Variants in FMN2 observed in about 807,000 individuals in gnomAD.
The protein encoded by FMN2 is formin-2.
Under a neutral mutation model 142.3 loss-of-function variants are expected in FMN2, and 51 were observed. That is an observed-to-expected ratio of 0.36 (90% CI 0.29 to 0.45). The LOEUF (loss-of-function observed/expected upper bound fraction) is 0.45. Ranked by LOEUF, FMN2 falls within the 20% of genes least tolerant of loss-of-function variation. The probability of loss-of-function intolerance (pLI) is 1.00; values close to 1 mark genes in which losing one functional copy is unlikely to be tolerated. For synonymous variants in FMN2, 882 were observed against 869.8 expected (o/e 1.01, Z -0.25); for missense variants, 1,936 against 2,122.8 (o/e 0.91, Z 1.73).
At chr1:240,328,147 C>CAA (rs780595882) in intron 8 of FMN2, among the ~76,000 whole-genome samples, 1,401 of 51,330 alleles carry the variant, frequency 0.027, 102 homozygotes, top group African/African-American at 0.088. Context: ...GACCCCATCT[C>CAA]AAAAAAAAAA....
chr1:240,253,974 C>T (rs1309408068), intron 6 of FMN2, among the ~76,000 whole-genome samples: 1 of 152,112 alleles, frequency 6.6e-6, no homozygotes, highest in Non-Finnish European at 1.5e-5. Context: ...TCCTCAATCA[C>T]TGGCAGGTGC....
chr1:240,229,305 T>C (rs184245393), intron 6 of FMN2, among the ~76,000 whole-genome samples: 31 of 152,238 alleles, frequency 2.0e-4, no homozygotes, highest in Admixed American at 1.5e-3. Context: ...AATGCACAAA[T>C]TAAAATTAGC....
intron 8 of FMN2, among the ~76,000 whole-genome samples, chr1:240,301,609 T>G (rs980637962): frequency 2.6e-5 from 4 of 151,748 alleles, no homozygotes; most frequent in African/African-American, 7.2e-5. Context: ...TCACCTTCCT[T>G]TTTTTTGAAG....
At chr1:240,204,020 T>G (rs1347493053) in intron 4 of FMN2, among the ~76,000 whole-genome samples, 4 of 152,184 alleles carry the variant, frequency 2.6e-5, no homozygotes, top group Non-Finnish European at 4.4e-5. Context: ...TGTGTATATA[T>G]GCCTGAATAA....
rs77312489 is a variant in FMN2, at chr1:240,121,381, A to T, written c.1616-1798A>T. Among the ~76,000 whole-genome samples the T allele has an allele frequency of 9.2e-3, 1,291 of 141,052 alleles. 15 individuals carry two copies. Among genetic ancestry groups the T allele is most frequent in the African/African-American group, 0.031 (1,173 of 38,300 alleles). 92.5% of individuals were successfully genotyped at this position (141,052 alleles called of 152,430 possible). ...CCAGTGTCTTATTTTTTTTATTTTT[A>T]TTTTTTTTTTTTTGAGACGGAGTCT... On this transcript the variant is annotated intron_variant, in intron 1 of 17. Coordinates refer to ENST00000319653, the MANE Select transcript of FMN2 (RefSeq NM_020066.5).
chr1:240,362,962 A>G (rs1672542652), intron 14 of FMN2, among the ~76,000 whole-genome samples: 1 of 152,192 alleles, frequency 6.6e-6, no homozygotes. Flanking sequence ...GAACTAGGGG[A>G]ATAGAACCAA....
rs12564988 is a variant in FMN2 at position 240,401,430 on chromosome 1, C to T, written c.4910+8868C>T. Among the ~76,000 whole-genome samples the T allele has an allele frequency of 7.5e-4, 114 of 152,278 alleles. 2 individuals carry two copies. In the East Asian group the frequency reaches 0.019, roughly 25 times the overall value. On this transcript the variant is annotated intron_variant, in intron 15 of 17. Coordinates refer to ENST00000319653, the MANE Select transcript of FMN2 (RefSeq NM_020066.5). The stretch of plus-strand genomic sequence containing the variant: ...TCCATTTAGCCCTTTGACGTTGAGA[C>T]AGAAAATACACGGGGAAGTTTCATT...
chr1:240,455,773 C>T (rs1025218065), intron 16 of FMN2, among the ~76,000 whole-genome samples: 20 of 151,934 alleles, frequency 1.3e-4, no homozygotes, highest in Middle Eastern at 3.2e-3. Flanking sequence ...ATCAGGAATT[C>T]GAGACCAGCC....
intron 15 of FMN2, among the ~76,000 whole-genome samples, chr1:240,434,728 A>ATT (rs34969961): frequency 0.084 from 10,911 of 130,620 alleles, 1,538 homozygotes; most frequent in African/African-American, 0.3. Context: ...CACCCTGCTA[A>ATT]TTTTTTTTTT....
intron 13 of FMN2, among the ~76,000 whole-genome samples, chr1:240,334,885 T>C (rs1671509041): frequency 6.6e-6 from 1 of 152,218 alleles, no homozygotes; most frequent in South Asian, 2.1e-4. Context: ...TTTCAGCTTC[T>C]TTCTTGCTGT....
At chr1:240,098,880 G>A (rs536922335) in intron 1 of FMN2, among the ~76,000 whole-genome samples, 1 of 152,302 alleles carries the variant, frequency 6.6e-6, no homozygotes, top group East Asian at 1.9e-4. Context: ...ATTTGAAATG[G>A]AGCAGGTACT....
intron 3 of FMN2, among the ~76,000 whole-genome samples, chr1:240,184,595 A>G (rs1665315256): frequency 6.6e-6 from 1 of 150,416 alleles, no homozygotes; most frequent in Non-Finnish European, 1.5e-5. Context: ...GCCATTTTAA[A>G]TGTACCCTTG....
intron 15 of FMN2, among the ~76,000 whole-genome samples, chr1:240,392,995 T>C (rs1673656330): frequency 2.9e-5 from 1 of 34,130 alleles, no homozygotes; most frequent in Non-Finnish European, 4.9e-5. Flanking sequence ...ACATAGAAAA[T>C]ATCTCAGAAA....
intron 13 of FMN2, among the ~76,000 whole-genome samples, chr1:240,352,139 C>G (rs1195269724): frequency 3.3e-5 from 5 of 152,066 alleles, no homozygotes; most frequent in Non-Finnish European, 7.4e-5. Flanking sequence ...TTTTACTTTC[C>G]TCATTGGGAT....
intron 2 of FMN2, among the ~76,000 whole-genome samples, chr1:240,134,104 G>A (rs1293788437): frequency 2.0e-5 from 3 of 152,186 alleles, no homozygotes; most frequent in South Asian, 4.1e-4. Flanking sequence ...ACAATGTCTA[G>A]CACATCATCA....
chr1:240,387,042 G>C (rs914262553), intron 14 of FMN2, among the ~76,000 whole-genome samples: 5 of 152,174 alleles, frequency 3.3e-5, no homozygotes, highest in African/African-American at 1.2e-4. Flanking sequence ...AAAATAATAG[G>C]TGCAGCAATT....
Position 240,323,841 on chromosome 1 carries a change from C to A in FMN2, c.4216-5235C>A, listed in dbSNP as rs191102705. ...GGATCTGTCCTTGGCTGACTTCTGT[C>A]TTTCCTCTGAAGCTTCCTCCTCAGG... On this transcript the variant is annotated intron_variant, in intron 8 of 17. Coordinates refer to ENST00000319653, the MANE Select transcript of FMN2 (RefSeq NM_020066.5). 2.6e-5 allele frequency among the ~76,000 whole-genome samples: 4 copies of A among 152,288 alleles called. No individual in the cohort carries two copies. The East Asian group carries it at 7.7e-4, about 29-fold the overall frequency.
intron 1 of FMN2, among the ~76,000 whole-genome samples, chr1:240,117,128 T>C (rs1662055280): frequency 6.6e-6 from 1 of 152,172 alleles, no homozygotes; most frequent in Non-Finnish European, 1.5e-5. Flanking sequence ...AAGAACTTGC[T>C]CTTGTTTGTC....
chr1:240,121,556 G>GT (rs1234574704), intron 1 of FMN2, among the ~76,000 whole-genome samples: 2 of 149,888 alleles, frequency 1.3e-5, no homozygotes, highest in Admixed American at 6.7e-5. Context: ...TTTTTGTTTT[G>GT]TTTTTTGTAT....
Sources: gnomAD v4.1 joint callset for allele counts (sites outside exome capture counted in the v4.1 genomes callset) on GRCh38, gnomAD v4.1.1 for gene constraint, MANE v1.5 for transcripts, NCBI Gene and HGNC (gene_info 2026-07-23, HGNC 2026-07-21) for gene names.